KLF12: variants seen among roughly 807,000 people sequenced by gnomAD.
KLF12 encodes Krueppel-like factor 12.
Under a neutral mutation model 37.8 loss-of-function variants are expected in KLF12, and 9 were observed. The ratio of observed to expected loss-of-function variants is 0.24; its 90% CI spans 0.14 to 0.42. KLF12 has a LOEUF of 0.42. Among genes scored for constraint, KLF12 ranks in the 10% least tolerant of loss-of-function variants. The probability of loss-of-function intolerance (pLI) is 1.00; values close to 1 mark genes in which losing one functional copy is unlikely to be tolerated. For missense variants in KLF12, 411 were observed against 516.0 expected (o/e 0.80, Z 1.97); for synonymous variants, 208 against 202.1 (o/e 1.03, Z -0.25).
intron 3 of KLF12, among the ~76,000 whole-genome samples, chr13:73,930,860 ATTTTTTT>A (rs11432866): frequency 1.8e-5 from 2 of 109,468 alleles, no homozygotes; most frequent in South Asian, 3.1e-4. Context: ...AACTGGAAAC[ATTTTTTT>A]TTTTTTTTTT....
At chr13:74,250,841 A>G in the KLF12 span, among the ~76,000 whole-genome samples, 1 of 152,242 alleles carries the variant, frequency 6.6e-6, no homozygotes, top group Admixed American at 6.5e-5. Context: ...AAAAGCAGCA[A>G]AAAGATAGAT....
chr13:73,928,340 A>G (rs1889503073), intron 3 of KLF12, among the ~76,000 whole-genome samples: 1 of 152,380 alleles, frequency 6.6e-6, no homozygotes, highest in East Asian at 1.9e-4. Context: ...CTGAGATTTA[A>G]GCAAGTGATC....
chr13:73,874,908 A>G (rs1193329588), intron 3 of KLF12, among the ~76,000 whole-genome samples: 3 of 152,184 alleles, frequency 2.0e-5, no homozygotes, highest in Non-Finnish European at 4.4e-5. Flanking sequence ...CTTTGCCCTT[A>G]CAAAGTTTCA....
At chr13:73,830,871 T>C (rs1026016032) in intron 4 of KLF12, among the ~76,000 whole-genome samples, 3 of 152,102 alleles carry the variant, frequency 2.0e-5, no homozygotes, top group Admixed American at 1.3e-4. Flanking sequence ...CACCTAGAAA[T>C]GTTAACCTAC....
At chr13:74,183,539 A>C in the KLF12 span, among the ~76,000 whole-genome samples, 3 of 152,198 alleles carry the variant, frequency 2.0e-5, no homozygotes, top group African/African-American at 7.2e-5. Context: ...TGGTTATGAA[A>C]ACATAATCAT....
the KLF12 span, among the ~76,000 whole-genome samples, chr13:74,179,677 A>G: frequency 1.3e-5 from 2 of 152,174 alleles, no homozygotes; most frequent in Non-Finnish European, 2.9e-5. Flanking sequence ...TGGCTTATGA[A>G]ACTAAGGTTG....
the KLF12 span, among the ~76,000 whole-genome samples, chr13:74,164,155 G>A: frequency 7.1e-4 from 108 of 152,168 alleles, 1 homozygote; most frequent in Middle Eastern, 6.8e-3. Context: ...TTCTAGTCAT[G>A]TTTGTCACTG....
chr13:73,866,575 T>TA (rs941143324), intron 3 of KLF12, among the ~76,000 whole-genome samples: 48 of 150,434 alleles, frequency 3.2e-4, no homozygotes, highest in East Asian at 5.9e-4. Context: ...CATTCTGAAA[T>TA]AAAAAAAAAT....
intron 3 of KLF12, among the ~76,000 whole-genome samples, chr13:73,920,904 A>G (rs1196542168): frequency 6.6e-6 from 1 of 152,174 alleles, no homozygotes; most frequent in Non-Finnish European, 1.5e-5. Flanking sequence ...CTTCTCCAGA[A>G]GCACAGCGAG....
At chr13:73,807,223 C>T (rs773425513) in intron 5 of KLF12, among the ~76,000 whole-genome samples, 3 of 151,670 alleles carry the variant, frequency 2.0e-5, no homozygotes, top group East Asian at 1.9e-4. Context: ...GCAGGAGAAT[C>T]GCTTGAACCC....
intron 2 of KLF12, among the ~76,000 whole-genome samples, chr13:73,976,153 T>A (rs1049070802): frequency 6.9e-6 from 1 of 143,988 alleles, no homozygotes; most frequent in Non-Finnish European, 1.6e-5. Flanking sequence ...TGTTTTGGGG[T>A]TTTTTTTTTC....
At chr13:73,861,063 G>C (rs529885064) in intron 3 of KLF12, among the ~76,000 whole-genome samples, 2 of 152,168 alleles carry the variant, frequency 1.3e-5, no homozygotes, top group East Asian at 3.9e-4. Flanking sequence ...CTCTCAATAT[G>C]TCACAGTAAT....
intron 3 of KLF12, among the ~76,000 whole-genome samples, chr13:73,895,843 CAG>C (rs1887741912): frequency 6.9e-6 from 1 of 144,498 alleles, no homozygotes; most frequent in African/African-American, 2.6e-5. Flanking sequence ...TTTTTTGAGA[CAG>C]AATCTCGCTC....
intron 6 of KLF12, among the ~76,000 whole-genome samples, chr13:73,728,599 T>A (rs1314445169): frequency 2.0e-5 from 3 of 152,240 alleles, no homozygotes; most frequent in Non-Finnish European, 4.4e-5. Flanking sequence ...TACTGCCACC[T>A]ATTCCTAGTG....
intron 2 of KLF12, among the ~76,000 whole-genome samples, chr13:73,990,838 T>C (rs1391874834): frequency 6.6e-6 from 1 of 152,174 alleles, no homozygotes; most frequent in African/African-American, 2.4e-5. Context: ...TTGTAAGAGA[T>C]GCAAGGTATA....
chr13:73,990,996 C>G (rs921294247), intron 2 of KLF12, among the ~76,000 whole-genome samples: 1 of 152,062 alleles, frequency 6.6e-6, no homozygotes, highest in Non-Finnish European at 1.5e-5. Flanking sequence ...TTAAAATGAG[C>G]AACGCATCAT....
At chr13:74,115,742 C>T (rs1485175503) in intron 1 of KLF12, among the ~76,000 whole-genome samples, 1 of 151,514 alleles carries the variant, frequency 6.6e-6, no homozygotes, top group Non-Finnish European at 1.5e-5. Context: ...CCTCTTGCAA[C>T]CTCTGGTGGC....
intron 5 of KLF12, among the ~76,000 whole-genome samples, chr13:73,803,393 T>C (rs962325102): frequency 6.6e-6 from 1 of 152,146 alleles, no homozygotes; most frequent in Non-Finnish European, 1.5e-5. Flanking sequence ...TGGTTTGACC[T>C]CCTACCCTTT....
At chr13:74,163,592 G>T in the KLF12 span, among the ~76,000 whole-genome samples, 1 of 152,212 alleles carries the variant, frequency 6.6e-6, no homozygotes, top group East Asian at 1.9e-4. Context: ...TGTGGGGGTT[G>T]GAGGGAAGGT....
Sources: gnomAD v4.1 joint callset for allele counts (sites outside exome capture counted in the v4.1 genomes callset) on GRCh38, gnomAD v4.1.1 for gene constraint, MANE v1.5 for transcripts, NCBI Gene and HGNC (gene_info 2026-07-23, HGNC 2026-07-21) for gene names.